Variants in ODR4 observed in about 807,000 individuals in gnomAD.
ODR4 encodes protein odr-4 homolog.
Under a neutral mutation model 60.2 loss-of-function variants are expected in ODR4, and 47 were observed. The observed-to-expected ratio is 0.78, with a 90% CI of 0.62 to 1.00. The LOEUF is 1.00. Among genes scored for constraint, ODR4 ranks in the 50% least tolerant of loss-of-function variants. ODR4 has a pLI of 0.00. For synonymous variants in ODR4, 178 were observed against 175.5 expected, an observed-to-expected ratio of 1.01 and a Z score of -0.11; for missense variants, 488 against 530.8, an observed-to-expected ratio of 0.92 and a Z score of 0.79.
At chr1:186,392,733 T>A (rs899896543) in intron 8 of ODR4, among the ~76,000 whole-genome samples, 1 of 151,956 alleles carries the variant, frequency 6.6e-6, no homozygotes, top group African/African-American at 2.4e-5. Flanking sequence ...CCAGGCGTGG[T>A]GGCTCATGCC....
chr1:186,421,222 A>G lies in ODR4; in HGVS notation c.*2146A>G, dbSNP rs1045536942. ...GATCTTCAAGAAGGGAAATGATTCT[A>G]AAAGGATTATCTGAAATTGAAAAAC... On this transcript the variant is annotated 3_prime_UTR_variant, in exon 14 of 14. Transcript: ENST00000287859. The G allele has an allele frequency of 1.3e-5, 2 of 152,238 alleles. No homozygotes were observed. The highest frequency in any genetic ancestry group is 6.5e-5 in the Admixed American group (1 of 15,290). The allele number at this position is 152,238 out of a possible 1,614,324, so 9.4% of individuals were successfully genotyped here. A position where few individuals can be genotyped will look rare whatever the true frequency, so the allele number is the denominator to read the frequency against.
At chr1:186,403,845 T>C (rs1434522041) in intron 11 of ODR4, among the ~76,000 whole-genome samples, 1 of 152,126 alleles carries the variant, frequency 6.6e-6, no homozygotes, top group African/African-American at 2.4e-5. Flanking sequence ...TTATGAAACC[T>C]CTTACCTTTG....
At chr1:186,427,224 G>A in the ODR4 span, among the ~76,000 whole-genome samples, 1 of 152,172 alleles carries the variant, frequency 6.6e-6, no homozygotes, top group African/African-American at 2.4e-5. Context: ...AGCAGGTGAT[G>A]CCATTTGATA....
At chr1:186,382,900 T>G in intron 2 of ODR4, 122 bp from the exon 3 acceptor site, 1 of 1,010,000 alleles carries the variant, frequency 9.9e-7, no homozygotes. Flanking sequence ...ATTAATGATT[T>G]AACCTGTTAC....
chr1:186,377,146 A>G (rs1558052961), intron 1 of ODR4, among the ~76,000 whole-genome samples: 1 of 152,202 alleles, frequency 6.6e-6, no homozygotes, highest in African/African-American at 2.4e-5. Context: ...TATAATACCT[A>G]ATACAATGTA....
chr1:186,390,929 A>G, intron 7 of ODR4, 78 bp downstream of exon 7: 1 of 1,355,574 alleles, frequency 7.4e-7, no homozygotes, highest in Non-Finnish European at 1.0e-6. Flanking sequence ...TGTGTCATTC[A>G]TTTTACAATC....
the ODR4 span, among the ~76,000 whole-genome samples, chr1:186,431,100 C>G: frequency 6.6e-6 from 1 of 152,086 alleles, no homozygotes. Context: ...GAAGGAACAC[C>G]TCTTCTAGCA....
chr1:186,402,566 AT>A lies in ODR4; in HGVS notation c.1001-3503del, dbSNP rs1002819900. Among the ~76,000 whole-genome samples the A allele has an allele frequency of 3.9e-3, 547 of 141,770 alleles. 1 individual carries two copies. Among genetic ancestry groups the A allele is most frequent in the Middle Eastern group, 0.011 (3 of 280 alleles). The allele number at this position is 141,770 out of a possible 152,430, so 93.0% of individuals were successfully genotyped here. On this transcript the variant is annotated intron_variant, in intron 11 of 13. Transcript: ENST00000287859. ...AGGCAAGGGCCACCACGCCTGGCTAATTTTTTTTTTTTTTAACTTTTTTGTA... is the reference window on the plus strand; with the variant it reads ...AGGCAAGGGCCACCACGCCTGGCTAATTTTTTTTTTTTTAACTTTTTTGTA...
At chr1:186,386,753 A>G (rs749315417) in intron 4 of ODR4, among the ~76,000 whole-genome samples, 8 of 152,332 alleles carry the variant, frequency 5.3e-5, no homozygotes, top group Non-Finnish European at 1.2e-4. Context: ...TTACTGTAAC[A>G]TGAAATTAAT....
chr1:186,394,582 A>G (rs1660599931), intron 9 of ODR4, among the ~76,000 whole-genome samples: 1 of 152,232 alleles, frequency 6.6e-6, no homozygotes, highest in Non-Finnish European at 1.5e-5. Context: ...TTTTAATCCT[A>G]CTTGAAATTA....
At chr1:186,414,470 G>A (rs983657293) in intron 12 of ODR4, among the ~76,000 whole-genome samples, 12 of 150,356 alleles carry the variant, frequency 8.0e-5, no homozygotes, top group African/African-American at 2.9e-4. Context: ...ATTTTTGTTT[G>A]TTATCTGATA....
intron 9 of ODR4, among the ~76,000 whole-genome samples, chr1:186,397,976 A>G (rs1343357213): frequency 6.6e-6 from 1 of 152,206 alleles, no homozygotes; most frequent in Non-Finnish European, 1.5e-5. Flanking sequence ...TTCTTTGTAT[A>G]TCTTTTAATC....
intron 9 of ODR4, among the ~76,000 whole-genome samples, chr1:186,396,720 T>TGTAG (rs1553236030): frequency 6.9e-6 from 1 of 144,782 alleles, no homozygotes; most frequent in African/African-American, 2.5e-5. Flanking sequence ...ATGCCATAAT[T>TGTAG]ATAGATAGAT....
intron 9 of ODR4, 35 bp downstream of exon 9, chr1:186,394,050 T>C: frequency 9.0e-7 from 1 of 1,110,756 alleles, no homozygotes; most frequent in Non-Finnish European, 1.3e-6. Context: ...AAATATTTAT[T>C]AGCATAACCA....
Position 186,388,515 on chromosome 1 carries a change from G to A in ODR4, c.404G>A (p.Arg135Gln), listed in dbSNP as rs1242820159. The part of the protein sequence containing the change: ...WNFTEEEVSE[R>Q]VTLHICASTK... ...TTCACAGAGGAGGAAGTCTCAGAAC[G>A]AGTGACACTTCACATTTGTGCTTCT... The change falls in exon 5 of 14, where the codon CGA becomes CAA. Residue 135 changes from arginine to glutamine, a missense_variant. Coordinates refer to ENST00000287859, the MANE Select transcript of ODR4 (RefSeq NM_017847.6). 4.5e-6 allele frequency: 7 copies of A among 1,563,744 alleles called. No individual in the cohort carries two copies. The highest frequency in any genetic ancestry group is 6.1e-6 in the Non-Finnish European group (7 of 1,153,860).
chr1:186,419,141 A>T lies in ODR4; in HGVS notation c.*65A>T. The T allele has an allele frequency of 7.4e-7, 1 of 1,348,124 alleles. No individual in the cohort carries two copies. The highest frequency in any genetic ancestry group is 1.2e-5 in the South Asian group (1 of 80,860). The allele number at this position is 1,348,124 out of a possible 1,614,324, so 83.5% of individuals were successfully genotyped here. On this transcript the variant is annotated 3_prime_UTR_variant, in exon 14 of 14. Coordinates refer to ENST00000287859, the MANE Select transcript of ODR4 (RefSeq NM_017847.6). ...TGACAGACAATTATGAATAATAAAGATGTTAACAATCCATCTGTATTTAAA... is the reference window on the plus strand; with the variant it reads ...TGACAGACAATTATGAATAATAAAGTTGTTAACAATCCATCTGTATTTAAA...
At chr1:186,426,245 C>G (rs1661877654), downstream of ODR4, among the ~76,000 whole-genome samples, 1 of 152,168 alleles carries the variant, frequency 6.6e-6, no homozygotes, top group African/African-American at 2.4e-5. Flanking sequence ...ATCTTTTGCT[C>G]CACAACAAAC....
In ODR4 at chr1:186,417,613, CA is replaced by C. The variant is rs768446380; in HGVS notation, c.1258del (p.Ile420LeufsTer7). On this transcript the variant is annotated frameshift_variant, in exon 13 of 14. Coordinates refer to ENST00000287859, the MANE Select transcript of ODR4 (RefSeq NM_017847.6). LOFTEE classifies it high-confidence loss of function. Reference sequence around the variant, plus strand: ...ACAGATGATGAACAACCAAAACAACCAATTAAAACTACAATGTTATTGAAAA... The same window carrying C: ...ACAGATGATGAACAACCAAAACAACCATTAAAACTACAATGTTATTGAAAA... ...DNTDDEQPKQPIKTTMLLKIQ... is the reference protein window; with the variant it reads ...DNTDDEQPKQXIKTTMLLKIQ... The C allele has an allele frequency of 1.9e-6, 3 of 1,600,928 alleles. No homozygotes were observed. Among genetic ancestry groups the C allele is most frequent in the Non-Finnish European group, 2.6e-6 (3 of 1,172,376 alleles).
intron 12 of ODR4, among the ~76,000 whole-genome samples, chr1:186,407,043 A>G (rs1661199391): frequency 1.3e-5 from 2 of 152,106 alleles, no homozygotes; most frequent in Non-Finnish European, 2.9e-5. Flanking sequence ...TAAGTATTTG[A>G]TTGGGGAACT....
Sources: gnomAD v4.1 joint callset for allele counts (sites outside exome capture counted in the v4.1 genomes callset) on GRCh38, gnomAD v4.1.1 for gene constraint, MANE v1.5 for transcripts, NCBI Gene and HGNC (gene_info 2026-07-23, HGNC 2026-07-21) for gene names.